Variants in LRIG1 observed in about 807,000 individuals in gnomAD.
The protein encoded by LRIG1 is leucine-rich repeats and immunoglobulin-like domains protein 1.
LRIG1 carries 48 observed loss-of-function variants against 99.2 expected under a neutral mutation model. That is an observed-to-expected ratio of 0.48 (90% CI 0.38 to 0.62). The LOEUF is 0.62. Ranked by LOEUF, LRIG1 falls within the 20% of genes least tolerant of loss-of-function variation. The probability of loss-of-function intolerance (pLI) is 0.00; values close to 1 mark genes in which losing one functional copy is unlikely to be tolerated. For synonymous variants in LRIG1, 772 were observed against 596.1 expected, an observed-to-expected ratio of 1.29 and a Z score of -4.30; for missense variants, 1,646 against 1,434.4, an observed-to-expected ratio of 1.15 and a Z score of -2.38.
chr3:66,473,953 G>T (rs1700659239), intron 1 of LRIG1, among the ~76,000 whole-genome samples: 1 of 152,120 alleles, frequency 6.6e-6, no homozygotes, highest in African/African-American at 2.4e-5. Flanking sequence ...AAGACGTCGT[G>T]AAACACTCTA....
At chr3:66,435,710 G>A (rs1189103352) in intron 3 of LRIG1, among the ~76,000 whole-genome samples, 3 of 152,072 alleles carry the variant, frequency 2.0e-5, no homozygotes, top group Non-Finnish European at 2.9e-5. Context: ...TCCTGGTTAT[G>A]AAAAGCTGTA....
At position 66,379,343 on chromosome 3, in the gene LRIG1, C is replaced by T. The variant is rs1288807844; in HGVS notation, c.*920G>A. 6.6e-6 allele frequency: 1 copy of T among 152,332 alleles called. No homozygotes were observed. Among genetic ancestry groups the T allele is most frequent in the African/African-American group, 2.4e-5 (1 of 41,390 alleles). 9.4% of individuals were successfully genotyped at this position (152,332 alleles called of 1,614,324 possible). On this transcript the variant is annotated 3_prime_UTR_variant, in exon 19 of 19. Transcript: ENST00000273261. Reference sequence around the variant, plus strand: ...AAAGTCAGAACTTCCTCCTTTCTGTCCCCCAAGGCCAATGTAATACTCATT... The same window carrying T: ...AAAGTCAGAACTTCCTCCTTTCTGTTCCCCAAGGCCAATGTAATACTCATT...
In LRIG1 at chr3:66,405,749, G is replaced by A. The variant is rs7614121; in HGVS notation, c.1080-471C>T. ...ACAGGGCCGGCCCGTGGGCGCCTCC[G>A]TACCAGCCAGTGGGTCTGGAGCCCG... On this transcript the variant is annotated intron_variant, in intron 8 of 18. Transcript: ENST00000273261. 1.4e-3 allele frequency: 1,636 copies of A among 1,152,824 alleles called. 15 individuals carry two copies. The African/African-American group carries it at 0.022, about 15-fold the overall frequency. 71.4% of individuals were successfully genotyped at this position (1,152,824 alleles called of 1,614,324 possible).
intron 1 of LRIG1, among the ~76,000 whole-genome samples, chr3:66,465,000 G>A (rs980000260): frequency 2.6e-5 from 4 of 152,068 alleles, no homozygotes; most frequent in Admixed American, 2.6e-4. Flanking sequence ...ACTTAGAAGT[G>A]GAAACGTTAA....
At chr3:66,467,066 A>G (rs1266645288) in intron 1 of LRIG1, among the ~76,000 whole-genome samples, 1 of 152,196 alleles carries the variant, frequency 6.6e-6, no homozygotes, top group East Asian at 1.9e-4. Flanking sequence ...CGCTGAACAC[A>G]CAAGAGGCAC....
chr3:66,410,503 T>C (rs907984393), intron 6 of LRIG1, among the ~76,000 whole-genome samples: 1 of 152,186 alleles, frequency 6.6e-6, no homozygotes, highest in Non-Finnish European at 1.5e-5. Flanking sequence ...CGAGTGTTCA[T>C]AGGGCAAGAG....
intron 15 of LRIG1, among the ~76,000 whole-genome samples, chr3:66,382,713 T>C (rs986481984): frequency 6.6e-6 from 1 of 152,232 alleles, no homozygotes; most frequent in Admixed American, 6.5e-5. Context: ...GGCCTGTGCA[T>C]AGGCGGCCTC....
chr3:66,380,190 A>C lies in LRIG1; in HGVS notation c.*73T>G, dbSNP rs549868542. ...GTACAGATGAGTGACGCTTGAACCC[A>C]AGCTTCCTCGCAGCCTCTCCTACCT... On this transcript the variant is annotated 3_prime_UTR_variant, in exon 19 of 19. Transcript: ENST00000273261. 1 of 1,305,242 alleles carries C rather than the reference A, an allele frequency of 7.7e-7. No homozygotes were observed. The highest frequency in any genetic ancestry group is 1.4e-5 in the South Asian group (1 of 70,900). 80.9% of individuals were successfully genotyped at this position (1,305,242 alleles called of 1,614,324 possible). A position where few individuals can be genotyped will look rare whatever the true frequency, so the allele number is the denominator to read the frequency against.
intron 1 of LRIG1, among the ~76,000 whole-genome samples, chr3:66,467,383 T>TAC (rs1700497927): frequency 7.2e-6 from 1 of 139,328 alleles, no homozygotes; most frequent in African/African-American, 2.7e-5. Context: ...TTTTTTGAGA[T>TAC]GGAGTCTCGC....
At chr3:66,443,779 A>G (rs3845896) in intron 3 of LRIG1, among the ~76,000 whole-genome samples, 97,835 of 152,166 alleles carry the variant, frequency 0.64, 33,702 homozygotes, top group East Asian at 0.91. Flanking sequence ...ACTTCACAGC[A>G]GCCGTGCAGA....
intron 1 of LRIG1, among the ~76,000 whole-genome samples, chr3:66,467,615 C>T (rs562153747): frequency 6.6e-6 from 1 of 152,222 alleles, no homozygotes; most frequent in South Asian, 2.1e-4. Context: ...CCCGCCTCGG[C>T]CTCCCAAAGT....
At chr3:66,412,737 G>T (rs1393864931) in intron 6 of LRIG1, 134 bp downstream of exon 6, 6 of 989,940 alleles carry the variant, frequency 6.1e-6, no homozygotes, top group Non-Finnish European at 9.1e-6. Context: ...CAGCAATGCT[G>T]GTGTGGGCGC....
intron 3 of LRIG1, among the ~76,000 whole-genome samples, chr3:66,433,707 G>A (rs991166936): frequency 6.6e-6 from 1 of 152,230 alleles, no homozygotes; most frequent in Admixed American, 6.5e-5. Context: ...GGAGGGTTAA[G>A]GATGGGTATG....
intron 1 of LRIG1, among the ~76,000 whole-genome samples, chr3:66,464,353 G>GT (rs1553723844): frequency 1.3e-5 from 2 of 152,172 alleles, no homozygotes; most frequent in African/African-American, 2.4e-5. Flanking sequence ...TGCCCTGTGT[G>GT]TAACAAGGCT....
chr3:66,383,633 C>T (rs1366275532), intron 14 of LRIG1, among the ~76,000 whole-genome samples: 1 of 152,134 alleles, frequency 6.6e-6, no homozygotes, highest in Non-Finnish European at 1.5e-5. Context: ...CCCTGCTATT[C>T]CCTAACTGTC....
chr3:66,469,764 C>T (rs1700554645), intron 1 of LRIG1, among the ~76,000 whole-genome samples: 1 of 152,006 alleles, frequency 6.6e-6, no homozygotes, highest in Non-Finnish European at 1.5e-5. Flanking sequence ...GGTTTACAAC[C>T]CACTGGTCAA....
intron 1 of LRIG1, among the ~76,000 whole-genome samples, chr3:66,465,271 A>T (rs974326206): frequency 2.6e-5 from 4 of 151,842 alleles, no homozygotes; most frequent in Admixed American, 6.6e-5. Context: ...TAGTTACCAC[A>T]TTCTCCCCAG....
intron 9 of LRIG1, chr3:66,404,561 GT>G: frequency 1.0e-5 from 3 of 295,854 alleles, no homozygotes; most frequent in Non-Finnish European, 1.5e-5. Context: ...CAGCCGTGTA[GT>G]TTTGGGCGAA....
intron 1 of LRIG1, among the ~76,000 whole-genome samples, chr3:66,499,908 C>A (rs1334142607): frequency 6.7e-6 from 1 of 149,792 alleles, no homozygotes; most frequent in African/African-American, 2.5e-5. Flanking sequence ...ACGACGCGTG[C>A]TGGCTAACCC....
Sources: gnomAD v4.1 joint callset for allele counts (sites outside exome capture counted in the v4.1 genomes callset) on GRCh38, gnomAD v4.1.1 for gene constraint, MANE v1.5 for transcripts, NCBI Gene and HGNC (gene_info 2026-07-23, HGNC 2026-07-21) for gene names.